The following LPIN1 variants were observed in gnomAD, a reference collection of about 807,000 sequenced individuals.
LPIN1 encodes lipin 1, also known as phosphatidate phosphatase LPIN1.
Under a neutral mutation model 107.5 loss-of-function variants are expected in LPIN1, and 71 were observed. The observed-to-expected ratio is 0.66, with a 90% CI of 0.55 to 0.80. The LOEUF is 0.80. Among genes scored for constraint, LPIN1 ranks in the 30% least tolerant of loss-of-function variants. The pLI is 0.00. For synonymous variants in LPIN1, 445 were observed against 452.6 expected (o/e 0.98, Z 0.21); for missense variants, 1,043 against 1,160.6 (o/e 0.90, Z 1.47).
At chr2:11,811,961 G>C (rs1430240884) in intron 17 of LPIN1, among the ~76,000 whole-genome samples, 1 of 152,086 alleles carries the variant, frequency 6.6e-6, no homozygotes, top group Non-Finnish European at 1.5e-5. Flanking sequence ...CTCCAGCCTG[G>C]TGACACAGCG....
chr2:11,822,267 C>G (rs1681654975), intron 20 of LPIN1, among the ~76,000 whole-genome samples: 1 of 118,558 alleles, frequency 8.4e-6, no homozygotes, highest in African/African-American at 3.5e-5. Context: ...CCTGTCTCTA[C>G]TAGAAATGCC....
Position 11,788,421 on chromosome 2 carries a change from C to T in LPIN1, c.1678C>T (p.Leu560=), listed in dbSNP as rs1675054021. Residue 560 remains leucine, a synonymous_variant, in exon 12 of 21, where the codon CTG becomes TTG. Coordinates refer to ENST00000674199, the MANE Select transcript of LPIN1 (RefSeq NM_001349206.2). ...YNWTTAAPLL[L]AMQAFQKPLP... ...CTGGACAACAGCAGCACCCCTCCTC[C>T]TGGCAATGCAGGCCTTCCAGAAACC... 1 of 1,614,078 alleles carries T rather than the reference C, an allele frequency of 6.2e-7. No homozygotes were observed. Among genetic ancestry groups the T allele is most frequent in the Non-Finnish European group, 8.5e-7 (1 of 1,179,914 alleles).
At chr2:11,805,490 C>T (rs1388477197) in intron 17 of LPIN1, 2 of 425,464 alleles carry the variant, frequency 4.7e-6, no homozygotes, top group Non-Finnish European at 4.4e-6. Flanking sequence ...GAAATAGGAG[C>T]TTATATGTTA....
chr2:11,730,670 G>A (rs1032388396), intron 1 of LPIN1, among the ~76,000 whole-genome samples: 3 of 152,110 alleles, frequency 2.0e-5, no homozygotes, highest in Admixed American at 6.5e-5. Context: ...CTACGGGTAG[G>A]CTTTTGCTGT....
At chr2:11,766,790 CAAACAAAA>C (rs1670977092) in intron 2 of LPIN1, among the ~76,000 whole-genome samples, 1 of 151,958 alleles carries the variant, frequency 6.6e-6, no homozygotes, top group Non-Finnish European at 1.5e-5. Context: ...AACAAACAAA[CAAACAAAA>C]ACGCAGAGCA....
In LPIN1 at chr2:11,788,427, A is replaced by C. The variant is rs1442398244; in HGVS notation, c.1684A>C (p.Met562Leu). 1 of 1,613,962 alleles carries C rather than the reference A, an allele frequency of 6.2e-7. No homozygotes were observed. Among genetic ancestry groups the C allele is most frequent in the East Asian group, 2.2e-5 (1 of 44,898 alleles). The change falls in exon 12 of 21, where the codon ATG becomes CTG. Residue 562 changes from methionine to leucine, a missense_variant. Coordinates refer to ENST00000674199, the MANE Select transcript of LPIN1 (RefSeq NM_001349206.2). ...WTTAAPLLLA[M>L]QAFQKPLPKA... ...AACAGCAGCACCCCTCCTCCTGGCAATGCAGGCCTTCCAGAAACCTTTGCC... is the reference window on the plus strand; with the variant it reads ...AACAGCAGCACCCCTCCTCCTGGCACTGCAGGCCTTCCAGAAACCTTTGCC...
chr2:11,820,361 C>T (rs944483010), intron 19 of LPIN1, 50 bp from the exon 20 acceptor site: 2 of 1,239,650 alleles, frequency 1.6e-6, no homozygotes, highest in Non-Finnish European at 2.4e-6. Context: ...CTTGTTTTTA[C>T]AATGAACTCT....
rs1674517361 is a variant in LPIN1 at position 11,786,028 on chromosome 2, C to T, written c.1549+952C>T. Among the ~76,000 whole-genome samples the T allele has an allele frequency of 6.6e-6, 1 of 152,114 alleles. No homozygotes were observed. The highest frequency in any genetic ancestry group is 2.4e-5 in the African/African-American group (1 of 41,428). On this transcript the variant is annotated intron_variant, in intron 10 of 20. Transcript: ENST00000674199. The surrounding 1 kb of genome is among the most constrained non-coding windows in gnomAD (Gnocchi z 4.1). ...TCTGGACACTGGCGTGAGGAGTCCC[C>T]TGGGCGTTCCCTCCCTGATATACAT...
intron 2 of LPIN1, among the ~76,000 whole-genome samples, chr2:11,716,346 A>C (rs1003898669): frequency 6.6e-6 from 1 of 152,086 alleles, no homozygotes; most frequent in Admixed American, 6.6e-5. Context: ...ACCAAAAATG[A>C]GGAGGAAGGG....
chr2:11,728,471 C>G (rs573751639), intron 1 of LPIN1, among the ~76,000 whole-genome samples: 1 of 152,284 alleles, frequency 6.6e-6, no homozygotes, highest in Admixed American at 6.5e-5. Context: ...TAACCTCCCC[C>G]TCCCCAGGTT....
chr2:11,689,341 A>G (rs1418648951), intron 1 of LPIN1, among the ~76,000 whole-genome samples: 2 of 152,214 alleles, frequency 1.3e-5, no homozygotes, highest in African/African-American at 4.8e-5. Flanking sequence ...TGGAAGTTCT[A>G]CAATGGACTT....
intron 17 of LPIN1, among the ~76,000 whole-genome samples, chr2:11,808,640 G>A (rs904168585): frequency 2.0e-5 from 3 of 152,066 alleles, no homozygotes; most frequent in African/African-American, 2.4e-5. Context: ...TTGGGAGTCC[G>A]AGGCAGGTGG....
chr2:11,739,138 C>G (rs1287670707), intron 1 of LPIN1, among the ~76,000 whole-genome samples: 1 of 146,256 alleles, frequency 6.8e-6, no homozygotes, highest in Non-Finnish European at 1.5e-5. Context: ...CCTGCTTGCT[C>G]TCTCTTGGGT....
chr2:11,812,588 C>T (rs1292588595), intron 17 of LPIN1, among the ~76,000 whole-genome samples: 3 of 152,050 alleles, frequency 2.0e-5, no homozygotes, highest in Non-Finnish European at 2.9e-5. Context: ...CGCAGATGAG[C>T]GTGGCGAGTT....
chr2:11,760,838 G>A (rs114870337), intron 1 of LPIN1, among the ~76,000 whole-genome samples: 4,426 of 152,302 alleles, frequency 0.029, 101 homozygotes, highest in African/African-American at 0.064. Context: ...TCACTGCTGG[G>A]GAGGTGGTCT....
intron 1 of LPIN1, among the ~76,000 whole-genome samples, chr2:11,733,093 A>G (rs746911485): frequency 9.2e-5 from 14 of 152,022 alleles, no homozygotes; most frequent in Non-Finnish European, 1.6e-4. Flanking sequence ...CTCCCCAGAA[A>G]TGTTTATTCT....
chr2:11,784,165 G>A (rs181718723), intron 9 of LPIN1: 19 of 753,604 alleles, frequency 2.5e-5, no homozygotes, highest in Non-Finnish European at 3.4e-5. Context: ...TTGGCTGCAC[G>A]TGCTGGCATG....
chr2:11,821,481 C>T (rs929562000), intron 20 of LPIN1, among the ~76,000 whole-genome samples: 6 of 152,130 alleles, frequency 3.9e-5, no homozygotes, highest in African/African-American at 1.4e-4. Flanking sequence ...CGTGCCATTG[C>T]ACTCCAGCCT....
intron 2 of LPIN1, among the ~76,000 whole-genome samples, chr2:11,716,656 G>T (rs1207521203): frequency 6.6e-6 from 1 of 152,178 alleles, no homozygotes; most frequent in Non-Finnish European, 1.5e-5. Context: ...ACTCGTGAGT[G>T]CAGAGAAGCC....
Sources: gnomAD v4.1 joint callset for allele counts (sites outside exome capture counted in the v4.1 genomes callset) on GRCh38, gnomAD v4.1.1 for gene constraint, Gnocchi (gnomAD v3.1) non-coding constraint, MANE v1.5 for transcripts, NCBI Gene and HGNC (gene_info 2026-07-23, HGNC 2026-07-21) for gene names.